Variants in MAP2 observed in about 807,000 individuals in gnomAD.
MAP2 encodes microtubule-associated protein 2.
In MAP2, 14 loss-of-function variants were observed where a neutral mutation model predicts 137.6. The ratio of observed to expected loss-of-function variants is 0.10; its 90% CI spans 0.07 to 0.16. MAP2 has a LOEUF of 0.16. Among genes scored for constraint, MAP2 ranks in the 10% least tolerant of loss-of-function variants. The pLI is 1.00. For synonymous variants in MAP2, 786 were observed against 782.3 expected (o/e 1.00, Z -0.08); for missense variants, 2,088 against 2,191.5 (o/e 0.95, Z 0.94).
chr2:209,634,748 A>G (rs1170033466), intron 4 of MAP2, among the ~76,000 whole-genome samples: 1 of 152,214 alleles, frequency 6.6e-6, no homozygotes, highest in Non-Finnish European at 1.5e-5. Flanking sequence ...AAGTAGCTCA[A>G]GCTGTGGCAA....
Position 209,678,661 on chromosome 2 carries a change from G to A in MAP2, c.352G>A (p.Asp118Asn), listed in dbSNP as rs1222327902. 1 of 1,603,198 alleles carries A rather than the reference G, an allele frequency of 6.2e-7. No homozygotes were observed. Among genetic ancestry groups the A allele is most frequent in the East Asian group, 2.3e-5 (1 of 44,256 alleles). The stretch of plus-strand genomic sequence containing the variant: ...ACAAGAGAAAGAAGCTCAACATAAA[G>A]ACCAGACTGCAGCTCTGCCTTTAGG... Reference protein sequence around the residue: ...GEQEKEAQHKDQTAALPLAAE... With the variant: ...GEQEKEAQHKNQTAALPLAAE... The change falls in exon 6 of 16, where the codon GAC becomes AAC. Residue 118 changes from aspartate (D) to asparagine (N), a missense_variant. Coordinates refer to ENST00000682079, the MANE Select transcript of MAP2 (RefSeq NM_001375505.1).
chr2:209,711,497 A>G (rs894843574), intron 13 of MAP2, among the ~76,000 whole-genome samples: 5 of 152,194 alleles, frequency 3.3e-5, no homozygotes, highest in African/African-American at 9.6e-5. Flanking sequence ...GAACAATGAT[A>G]ACATTCTATA....
intron 2 of MAP2, among the ~76,000 whole-genome samples, chr2:209,554,838 CAG>C (rs1389187122): frequency 1.3e-5 from 2 of 149,656 alleles, no homozygotes; most frequent in African/African-American, 4.9e-5. Flanking sequence ...ACTGTTACCA[CAG>C]AATTTAAATA....
At chr2:209,437,473 C>T (rs908744066) in intron 1 of MAP2, among the ~76,000 whole-genome samples, 1 of 151,576 alleles carries the variant, frequency 6.6e-6, no homozygotes, top group African/African-American at 2.4e-5. Flanking sequence ...TTTTGTTTTA[C>T]ATATTCTCAT....
chr2:209,491,227 C>G (rs2059070170), intron 1 of MAP2, among the ~76,000 whole-genome samples: 1 of 152,032 alleles, frequency 6.6e-6, no homozygotes, highest in African/African-American at 2.4e-5. Context: ...AGGCAGAAAT[C>G]AATAAGTTCT....
At chr2:209,601,072 A>G (rs766198789) in intron 3 of MAP2, among the ~76,000 whole-genome samples, 2 of 152,206 alleles carry the variant, frequency 1.3e-5, no homozygotes, top group East Asian at 1.9e-4. Context: ...GTAAATTTCA[A>G]TAATACTTAC....
chr2:209,680,892 A>G (rs545351104), intron 7 of MAP2, 65 bp downstream of exon 7: 8 of 1,373,694 alleles, frequency 5.8e-6, no homozygotes, highest in South Asian at 4.7e-5. Flanking sequence ...ACTTCAATCA[A>G]TAAGCTCTGG....
At chr2:209,697,825 C>T (rs188083009) in intron 10 of MAP2, among the ~76,000 whole-genome samples, 6 of 152,102 alleles carry the variant, frequency 3.9e-5, no homozygotes, top group East Asian at 1.9e-4. Flanking sequence ...AAATAAACTT[C>T]GGTTTATTTT....
intron 7 of MAP2, among the ~76,000 whole-genome samples, chr2:209,686,011 T>C (rs1188623869): frequency 5.3e-5 from 8 of 152,140 alleles, no homozygotes; most frequent in Admixed American, 2.6e-4. Flanking sequence ...ACTGAACATA[T>C]CAGGAATTTT....
chr2:209,600,282 T>C (rs2082603303), intron 3 of MAP2, among the ~76,000 whole-genome samples: 1 of 152,210 alleles, frequency 6.6e-6, no homozygotes, highest in South Asian at 2.1e-4. Flanking sequence ...GCCTGGAAAT[T>C]ATATACAACC....
At chr2:209,600,089 C>G (rs948421186) in intron 3 of MAP2, among the ~76,000 whole-genome samples, 2 of 152,056 alleles carry the variant, frequency 1.3e-5, no homozygotes, top group African/African-American at 4.8e-5. Flanking sequence ...AAAGCTAAGA[C>G]CTATAAAAGG....
Position 209,521,430 on chromosome 2 carries a change from C to T in MAP2, c.-172+13789C>T, listed in dbSNP as rs1421746290. ...CTTCCTCCCCCACCCCCTCTTTTGT[C>T]ATTACTAGGATATGATTCAACTTAT... On this transcript the variant is annotated intron_variant, in intron 2 of 15. Coordinates refer to ENST00000682079, the MANE Select transcript of MAP2 (RefSeq NM_001375505.1). 4.0e-5 allele frequency among the ~76,000 whole-genome samples: 6 copies of T among 151,430 alleles called. No homozygotes were observed. The South Asian group carries it at 1.3e-3, about 32-fold the overall frequency.
intron 3 of MAP2, among the ~76,000 whole-genome samples, chr2:209,610,099 T>C (rs1262640138): frequency 2.0e-5 from 3 of 152,018 alleles, no homozygotes; most frequent in African/African-American, 4.8e-5. Context: ...AAAGAAGACA[T>C]TGGGGAACTG....
At position 209,694,762 on chromosome 2, in the gene MAP2, C is replaced by T. The variant is rs762767061; in HGVS notation, c.2592C>T (p.Leu864=). 28 of 1,613,986 alleles carry T rather than the reference C, an allele frequency of 1.7e-5. No individual in the cohort carries two copies. Among genetic ancestry groups the T allele is most frequent in the Admixed American group, 5.0e-5 (3 of 59,994 alleles). ...TCATTGTAAAAACGGACAGTCAGCT[C>T]GAAGACCTGGGCTACTGTGTGTTCA... ...NHVIVKTDSQ[L]EDLGYCVFNK... The change falls in exon 8 of 16, where the codon CTC becomes CTT. Residue 864 remains leucine (L), a synonymous_variant. Coordinates refer to ENST00000682079, the MANE Select transcript of MAP2 (RefSeq NM_001375505.1).
intron 1 of MAP2, among the ~76,000 whole-genome samples, chr2:209,503,835 G>A (rs1467911243): frequency 6.6e-6 from 1 of 152,078 alleles, no homozygotes; most frequent in African/African-American, 2.4e-5. Flanking sequence ...TGCTGCAAAC[G>A]TTGGGTTCAA....
intron 3 of MAP2, among the ~76,000 whole-genome samples, chr2:209,623,002 A>G (rs924602646): frequency 2.0e-5 from 3 of 152,190 alleles, no homozygotes; most frequent in Non-Finnish European, 2.9e-5. Flanking sequence ...TAGGGTTGGA[A>G]TTTCACTTTC....
chr2:209,482,581 T>G (rs1175208564), intron 1 of MAP2, among the ~76,000 whole-genome samples: 1 of 152,194 alleles, frequency 6.6e-6, no homozygotes, highest in Non-Finnish European at 1.5e-5. Flanking sequence ...GAATGAAGAA[T>G]TAAACCTCCA....
Position 209,693,436 on chromosome 2 carries a change from A to G in MAP2, c.1266A>G (p.Gln422=). 2 of 1,614,002 alleles carry G rather than the reference A, an allele frequency of 1.2e-6. No individual in the cohort carries two copies. The highest frequency in any genetic ancestry group is 1.1e-5 in the South Asian group (1 of 91,060). The change falls in exon 8 of 16, where the codon CAA becomes CAG. Residue 422 remains glutamine (Q), a synonymous_variant. Coordinates refer to ENST00000682079, the MANE Select transcript of MAP2 (RefSeq NM_001375505.1). The stretch of plus-strand genomic sequence containing the variant: ...CCATAAATCAAGAGACTGTGCAGCA[A>G]AGGGATACTTTCACCCCCAGTGGAC... The part of the protein sequence containing the change: ...KEAINQETVQ[Q]RDTFTPSGQE...
At chr2:209,683,960 T>A (rs367660571) in intron 7 of MAP2, among the ~76,000 whole-genome samples, 2 of 152,220 alleles carry the variant, frequency 1.3e-5, no homozygotes, top group East Asian at 3.9e-4. Flanking sequence ...TTATGAATAT[T>A]TATTATAATT....
Sources: gnomAD v4.1 joint callset for allele counts (sites outside exome capture counted in the v4.1 genomes callset) on GRCh38, gnomAD v4.1.1 for gene constraint, MANE v1.5 for transcripts, NCBI Gene and HGNC (gene_info 2026-07-23, HGNC 2026-07-21) for gene names.